The following TUSC3 variants were observed in gnomAD, a reference collection of about 807,000 sequenced individuals.
TUSC3 encodes dolichyl-diphosphooligosaccharide--protein glycosyltransferase subunit TUSC3.
In TUSC3, 45 loss-of-function variants were observed where a neutral mutation model predicts 44.8. The observed-to-expected ratio is 1.00, with a 90% CI of 0.79 to 1.29. The LOEUF (loss-of-function observed/expected upper bound fraction) is 1.29, where lower values mean the gene tolerates loss of function less well. Ranked by LOEUF, TUSC3 falls within the 50% of genes most tolerant of loss-of-function variation. The pLI is 0.00. For synonymous variants in TUSC3, 212 were observed against 152.9 expected (o/e 1.39, Z -2.85); for missense variants, 519 against 437.9 (o/e 1.19, Z -1.65).
chr8:15,816,086 A>C, the TUSC3 span, among the ~76,000 whole-genome samples: 2 of 152,160 alleles, frequency 1.3e-5, no homozygotes, highest in Admixed American at 6.6e-5. Context: ...CATGAATGGC[A>C]GTTAAGATGG....
intron 1 of TUSC3, among the ~76,000 whole-genome samples, chr8:15,477,177 C>G (rs762093642): frequency 1.3e-5 from 2 of 152,128 alleles, no homozygotes; most frequent in Admixed American, 6.5e-5. Context: ...ATGAATCGAC[C>G]TTAGGTTCCC....
chr8:15,461,042 T>C (rs1800337763), intron 1 of TUSC3, among the ~76,000 whole-genome samples: 1 of 152,154 alleles, frequency 6.6e-6, no homozygotes, highest in African/African-American at 2.4e-5. Context: ...AATTTTAGAA[T>C]TGTGTTTTCT....
chr8:15,637,182 G>T (rs972396899), intron 2 of TUSC3, among the ~76,000 whole-genome samples: 1 of 151,804 alleles, frequency 6.6e-6, no homozygotes, highest in Non-Finnish European at 1.5e-5. Context: ...TCTACTTCAG[G>T]GACTCTAATT....
chr8:15,444,763 A>G (rs1427894089), intron 1 of TUSC3, among the ~76,000 whole-genome samples: 3 of 102,496 alleles, frequency 2.9e-5, no homozygotes, highest in Non-Finnish European at 5.1e-5. Flanking sequence ...TCTTATATGT[A>G]TAGAAAAAAA....
chr8:15,534,962 A>G (rs1345369612), intron 2 of TUSC3, among the ~76,000 whole-genome samples: 1 of 152,136 alleles, frequency 6.6e-6, no homozygotes, highest in African/African-American at 2.4e-5. Flanking sequence ...CAGGCATACT[A>G]TTAAGTTAGG....
intron 1 of TUSC3, among the ~76,000 whole-genome samples, chr8:15,464,402 A>C (rs1400881103): frequency 6.6e-6 from 1 of 152,140 alleles, no homozygotes; most frequent in Admixed American, 6.6e-5. Context: ...GGATTCAACA[A>C]ATATTTCTTG....
chr8:15,833,473 G>A, the TUSC3 span, among the ~76,000 whole-genome samples: 2 of 152,144 alleles, frequency 1.3e-5, no homozygotes, highest in Admixed American at 6.6e-5. Flanking sequence ...GCCCAGCAAC[G>A]GTAGACTGGA....
chr8:15,628,149 C>G (rs1198733409), intron 2 of TUSC3, among the ~76,000 whole-genome samples: 1 of 151,810 alleles, frequency 6.6e-6, no homozygotes, highest in Admixed American at 6.6e-5. Context: ...TTTTTTTGTT[C>G]CTAAAAACTG....
chr8:15,738,806 A>AATT (rs1278745688), intron 7 of TUSC3, among the ~76,000 whole-genome samples: 1 of 133,780 alleles, frequency 7.5e-6, no homozygotes, highest in Non-Finnish European at 1.6e-5. Context: ...ATGGTGACAA[A>AATT]ATTACTATTA....
At position 15,623,192 on chromosome 8, in the gene TUSC3, A is replaced by C; in HGVS notation, c.251A>C (p.Tyr84Ser). The C allele has an allele frequency of 1.2e-6, 2 of 1,613,450 alleles. No individual in the cohort carries two copies. The highest frequency in any genetic ancestry group is 1.1e-5 in the South Asian group (1 of 90,910). The change falls in exon 2 of 11, where the codon TAT becomes TCT. Residue 84 changes from tyrosine (Y) to serine (S), a missense_variant. By Grantham distance (144) the Tyr-to-Ser change is moderately radical (BLOSUM62 -2). Coordinates refer to ENST00000503731, the MANE Select transcript of TUSC3 (RefSeq NM_006765.4). ...TTTATAAAGGCACCACCTCGAAACTATTCCATGATTGTTATGTTCACTGCT... is the reference window on the plus strand; with the variant it reads ...TTTATAAAGGCACCACCTCGAAACTCTTCCATGATTGTTATGTTCACTGCT... ...RKFIKAPPRN[Y>S]SMIVMFTALQ...
Position 15,623,269 on chromosome 8 carries a change from A to T in TUSC3, c.308+20A>T. ...GTGCAGGTAATTTATGTAATTAAAA[A>T]ATATTAAAAACTATTATTCTTGGTT... On this transcript the variant is annotated intron_variant, in intron 2 of 10. Coordinates refer to ENST00000503731, the MANE Select transcript of TUSC3 (RefSeq NM_006765.4). The T allele has an allele frequency of 1.3e-6, 2 of 1,563,750 alleles. No individual in the cohort carries two copies. The highest frequency in any genetic ancestry group is 1.7e-6 in the Non-Finnish European group (2 of 1,157,958).
intron 1 of TUSC3, among the ~76,000 whole-genome samples, chr8:15,480,677 C>A (rs1042940209): frequency 1.1e-4 from 17 of 152,172 alleles, no homozygotes; most frequent in East Asian, 5.8e-4. Context: ...TCTTCACAGT[C>A]CCTCCCTGCA....
At chr8:15,833,716 C>G in the TUSC3 span, among the ~76,000 whole-genome samples, 2 of 151,832 alleles carry the variant, frequency 1.3e-5, no homozygotes, top group Non-Finnish European at 2.9e-5. Context: ...AGAGAAATGA[C>G]CACAGAAAAT....
In TUSC3 at chr8:15,546,316, A is replaced by G. The variant is rs932006912; in HGVS notation, c.138+5748A>G. Among the ~76,000 whole-genome samples, 3 of 151,642 alleles carry G rather than the reference A, an allele frequency of 2.0e-5. 1 individual carries two copies. The highest frequency in any genetic ancestry group is 2.0e-4 in the Admixed American group (3 of 15,172). ...ACAAATTTTAACATTCTGGCACATC[A>G]GTTTTTATCTAATCACTTGCCGGTA... is the stretch of plus-strand genomic sequence containing the variant. On this transcript the variant is annotated intron_variant, in intron 1 of 10. Coordinates refer to ENST00000503731, the MANE Select transcript of TUSC3 (RefSeq NM_006765.4).
chr8:15,575,339 A>T (rs1344824118), intron 1 of TUSC3, among the ~76,000 whole-genome samples: 1 of 152,182 alleles, frequency 6.6e-6, no homozygotes, highest in East Asian at 1.9e-4. Context: ...TTTTGCAATG[A>T]TATTCAAATA....
intron 2 of TUSC3, among the ~76,000 whole-genome samples, chr8:15,522,071 G>C (rs368339191): frequency 9.9e-5 from 15 of 152,256 alleles, no homozygotes; most frequent in African/African-American, 3.6e-4. Context: ...CTATGGCAAG[G>C]CATTTCTGAA....
chr8:15,685,745 A>G (rs923159846), intron 6 of TUSC3, among the ~76,000 whole-genome samples: 1 of 152,186 alleles, frequency 6.6e-6, no homozygotes, highest in African/African-American at 2.4e-5. Flanking sequence ...ATGAGCTCTG[A>G]AATTCTGATT....
chr8:15,504,853 C>T (rs1462562236), intron 2 of TUSC3, among the ~76,000 whole-genome samples: 4 of 150,922 alleles, frequency 2.7e-5, no homozygotes, highest in Non-Finnish European at 4.4e-5. Flanking sequence ...AGGGTTTCAC[C>T]GTGTTAGCCA....
chr8:15,555,455 C>T (rs1177187286), intron 1 of TUSC3, among the ~76,000 whole-genome samples: 1 of 150,734 alleles, frequency 6.6e-6, no homozygotes, highest in African/African-American at 2.4e-5. Flanking sequence ...TGCCACCATG[C>T]CTAGCTAGTT....
Sources: allele counts gnomAD v4.1 joint callset (sites outside exome capture counted in the v4.1 genomes callset), GRCh38; gene constraint gnomAD v4.1.1; transcripts MANE v1.5; gene names NCBI Gene and HGNC (gene_info 2026-07-23, HGNC 2026-07-21).